Variants in POLD3 observed in about 807,000 individuals in gnomAD.
POLD3 encodes the protein DNA polymerase delta subunit 3.
Under a neutral mutation model 58.2 loss-of-function variants are expected in POLD3, and 19 were observed. That is an observed-to-expected ratio of 0.33 (90% CI 0.23 to 0.48). The LOEUF (loss-of-function observed/expected upper bound fraction) is 0.48. POLD3 is among the 20% of genes least tolerant of loss of function. POLD3 has a pLI of 0.99. For missense variants in POLD3, 504 were observed against 545.5 expected (o/e 0.92, Z 0.76); for synonymous variants, 172 against 193.5 (o/e 0.89, Z 0.92).
At chr11:74,594,868 C>T (rs567753340) in intron 2 of POLD3, among the ~76,000 whole-genome samples, 1 of 152,314 alleles carries the variant, frequency 6.6e-6, no homozygotes, top group South Asian at 2.1e-4. Flanking sequence ...AACTCACTAT[C>T]ATGAGAAGAG....
chr11:74,592,587 C>A lies in POLD3; in HGVS notation c.-72C>A, dbSNP rs1431658827. The A allele has an allele frequency of 3.2e-6, 5 of 1,581,778 alleles. No individual in the cohort carries two copies. The highest frequency in any genetic ancestry group is 2.7e-5 in the African/African-American group (2 of 74,212). On this transcript the variant is annotated 5_prime_UTR_variant, in exon 1 of 12. Coordinates refer to ENST00000263681, the MANE Select transcript of POLD3 (RefSeq NM_006591.3). ...CCCGGGACCTGGGAGGGAGCAAAGACGTTTCCCGCCGGCGGGAGCTGTGGC... is the reference window on the plus strand; with the variant it reads ...CCCGGGACCTGGGAGGGAGCAAAGAAGTTTCCCGCCGGCGGGAGCTGTGGC...
At chr11:74,666,843 A>T (rs1248512793) in intron 4 of POLD3, among the ~76,000 whole-genome samples, 7 of 152,094 alleles carry the variant, frequency 4.6e-5, no homozygotes, top group Non-Finnish European at 7.3e-5. Context: ...TTACTACAAA[A>T]CCACAGTAAT....
intron 2 of POLD3, among the ~76,000 whole-genome samples, chr11:74,599,517 C>T (rs1165743974): frequency 6.6e-6 from 1 of 151,946 alleles, no homozygotes; most frequent in African/African-American, 2.4e-5. Flanking sequence ...GCACCTGCCA[C>T]CACGCCTGGC....
chr11:74,640,111 A>G (rs1035176551), intron 11 of POLD3, among the ~76,000 whole-genome samples: 28 of 152,192 alleles, frequency 1.8e-4, no homozygotes, highest in African/African-American at 6.5e-4. Context: ...ATAGGCCAGC[A>G]GTTTAAGACC....
At chr11:74,634,799 C>A in intron 10 of POLD3, 104 bp downstream of exon 10, 2 of 695,884 alleles carry the variant, frequency 2.9e-6, no homozygotes. Context: ...TTCACAAATG[C>A]CAGTAGATGG....
At chr11:74,614,526 C>T (rs956650927) in intron 5 of POLD3, among the ~76,000 whole-genome samples, 17 of 152,156 alleles carry the variant, frequency 1.1e-4, no homozygotes, top group Non-Finnish European at 1.2e-4. Context: ...CTGGCTAACA[C>T]GGTGAAACCC....
At chr11:74,667,508 C>T (rs549943729) in intron 4 of POLD3, among the ~76,000 whole-genome samples, 12 of 152,080 alleles carry the variant, frequency 7.9e-5, no homozygotes, top group East Asian at 3.9e-4. Context: ...CCAACCTGGG[C>T]GACAGAGTGA....
chr11:74,654,660 T>A (rs904207536), intron 4 of POLD3, among the ~76,000 whole-genome samples: 1 of 152,206 alleles, frequency 6.6e-6, no homozygotes, highest in African/African-American at 2.4e-5. Flanking sequence ...CCAACCCACC[T>A]TCTCTCCTCT....
intron 2 of POLD3, among the ~76,000 whole-genome samples, chr11:74,602,207 G>C (rs573289727): frequency 6.6e-6 from 1 of 152,150 alleles, no homozygotes; most frequent in African/African-American, 2.4e-5. Context: ...GCCTCCCTGA[G>C]AGCTGGGATT....
intron 5 of POLD3, among the ~76,000 whole-genome samples, chr11:74,617,214 T>C (rs944005615): frequency 6.6e-6 from 1 of 152,246 alleles, no homozygotes; most frequent in African/African-American, 2.4e-5. Flanking sequence ...GGCACTTCTA[T>C]AATGATTAGA....
intron 4 of POLD3, among the ~76,000 whole-genome samples, chr11:74,649,354 C>G (rs1363153886): frequency 2.0e-5 from 3 of 152,168 alleles, no homozygotes; most frequent in Non-Finnish European, 4.4e-5. Context: ...GAAAGGCTGT[C>G]CAGCTAGTAC....
At chr11:74,600,333 C>G (rs2031445456) in intron 2 of POLD3, among the ~76,000 whole-genome samples, 1 of 152,062 alleles carries the variant, frequency 6.6e-6, no homozygotes, top group African/African-American at 2.4e-5. Flanking sequence ...GCCTGTAATC[C>G]TAGCACTTTG....
intron 4 of POLD3, among the ~76,000 whole-genome samples, chr11:74,666,604 T>A (rs1565137266): frequency 1.3e-5 from 2 of 152,188 alleles, no homozygotes; most frequent in Admixed American, 1.3e-4. Context: ...AAACACTTCA[T>A]GTGCTCATGA....
chr11:74,611,034 C>T (rs1036080662), intron 3 of POLD3, among the ~76,000 whole-genome samples: 1 of 152,176 alleles, frequency 6.6e-6, no homozygotes, highest in African/African-American at 2.4e-5. Flanking sequence ...TTCGGCCTCC[C>T]AAAGTGTTGG....
intron 4 of POLD3, among the ~76,000 whole-genome samples, chr11:74,655,210 T>C (rs965634774): frequency 6.6e-6 from 1 of 152,268 alleles, no homozygotes; most frequent in Non-Finnish European, 1.5e-5. Flanking sequence ...AATCATTAGC[T>C]GACCACTAAG....
At chr11:74,637,388 C>T (rs923262421) in intron 11 of POLD3, among the ~76,000 whole-genome samples, 3 of 149,624 alleles carry the variant, frequency 2.0e-5, no homozygotes, top group South Asian at 2.1e-4. Context: ...TTCTTGTGAA[C>T]CTGTGAATTC....
intron 4 of POLD3, among the ~76,000 whole-genome samples, chr11:74,653,975 A>G (rs1245768725): frequency 1.3e-5 from 2 of 152,182 alleles, no homozygotes; most frequent in African/African-American, 4.8e-5. Context: ...GGCATGTCAC[A>G]TGGCCAGAGC....
chr11:74,632,595 T>A (rs2032624939), intron 9 of POLD3, among the ~76,000 whole-genome samples: 1 of 152,212 alleles, frequency 6.6e-6, no homozygotes, highest in East Asian at 1.9e-4. Flanking sequence ...CTCTACTCTC[T>A]GGCTCATCTA....
chr11:74,651,765 C>T (rs1440202837), intron 4 of POLD3, among the ~76,000 whole-genome samples: 1 of 152,144 alleles, frequency 6.6e-6, no homozygotes, highest in Non-Finnish European at 1.5e-5. Context: ...ACAGGGAGGT[C>T]ATGCCAAGAT....
Sources: gnomAD v4.1 joint callset for allele counts (sites outside exome capture counted in the v4.1 genomes callset) on GRCh38, gnomAD v4.1.1 for gene constraint, MANE v1.5 for transcripts, NCBI Gene and HGNC (gene_info 2026-07-23, HGNC 2026-07-21) for gene names.